Variants in EMP2 observed in about 807,000 individuals in gnomAD.
EMP2 encodes the protein epithelial membrane protein 2.
A neutral mutation model predicts 13.7 loss-of-function variants in EMP2; 19 were observed. That is an observed-to-expected ratio of 1.38 (90% CI 0.97 to 2.03). The LOEUF is 2.03. Among genes scored for constraint, EMP2 ranks in the 30% most tolerant of loss-of-function variants. The probability of loss-of-function intolerance (pLI) is 0.00; values close to 1 mark genes in which losing one functional copy is unlikely to be tolerated. For synonymous variants in EMP2, 97 were observed against 84.7 expected (o/e 1.15, Z -0.80); for missense variants, 253 against 220.7 (o/e 1.15, Z -0.93).
chr16:10,553,157 G>A (rs2050800664), intron 1 of EMP2, among the ~76,000 whole-genome samples: 1 of 152,166 alleles, frequency 6.6e-6, no homozygotes, highest in African/African-American at 2.4e-5. Flanking sequence ...ATGTTTAAGA[G>A]GGAATAAAAA....
intron 4 of EMP2, among the ~76,000 whole-genome samples, chr16:10,533,443 C>T (rs2050623782): frequency 6.6e-6 from 1 of 152,138 alleles, no homozygotes; most frequent in South Asian, 2.1e-4. Context: ...TTTTGCTTCC[C>T]ATTCTTGCTA....
chr16:10,567,631 G>A (rs949967391), intron 1 of EMP2, among the ~76,000 whole-genome samples: 1 of 152,184 alleles, frequency 6.6e-6, no homozygotes, highest in Admixed American at 6.5e-5. Flanking sequence ...GCTTTAGCAG[G>A]ATGGGACACT....
At chr16:10,562,564 G>T (rs1185874901) in intron 1 of EMP2, among the ~76,000 whole-genome samples, 3 of 152,100 alleles carry the variant, frequency 2.0e-5, no homozygotes, top group Non-Finnish European at 2.9e-5. Context: ...AATGAGCCCA[G>T]CTGAAATCAG....
At position 10,549,883 on chromosome 16, in the gene EMP2, C is replaced by CTTT. The variant is rs59259895; in HGVS notation, c.-60-2209_-60-2207dup. On this transcript the variant is annotated intron_variant, in intron 1 of 4. Coordinates refer to ENST00000359543, the MANE Select transcript of EMP2 (RefSeq NM_001424.6). Reference sequence around the variant, plus strand: ...TTTTCTTTTCTTTTTTTTTCTTTTTCTTTTTTTTTTTTTTTTTTTTGAGAC... The same window carrying CTTT: ...TTTTCTTTTCTTTTTTTTTCTTTTTCTTTTTTTTTTTTTTTTTTTTTTTGAGAC... Among the ~76,000 whole-genome samples the CTTT allele has an allele frequency of 4.6e-3, 518 of 112,262 alleles. 8 individuals carry two copies. The highest frequency in any genetic ancestry group is 0.018 in the African/African-American group (466 of 25,342). 73.6% of individuals were successfully genotyped at this position (112,262 alleles called of 152,430 possible).
At chr16:10,540,414 G>A (rs536246433) in intron 3 of EMP2, among the ~76,000 whole-genome samples, 98 of 152,206 alleles carry the variant, frequency 6.4e-4, no homozygotes, top group Non-Finnish European at 1.1e-3. Flanking sequence ...TTTGAGGCAG[G>A]AGGATGGCTT....
At chr16:10,578,843 C>T (rs1269670538) in intron 1 of EMP2, among the ~76,000 whole-genome samples, 10 of 152,258 alleles carry the variant, frequency 6.6e-5, no homozygotes, top group Admixed American at 6.5e-4. Flanking sequence ...CTGCCACCTC[C>T]ACGCCTCTCC....
In EMP2 at chr16:10,537,920, G is replaced by A. The variant is rs200539064; in HGVS notation, c.316+8C>T. On this transcript the variant is annotated splice_region_variant and intron_variant, in intron 4 of 4. Coordinates refer to ENST00000359543, the MANE Select transcript of EMP2 (RefSeq NM_001424.6). ...CCCCTTGTTAGGGAAGCCCGTTGAT[G>A]TACTTACATGACATTAGCTGGATGA... 2.5e-6 allele frequency: 4 copies of A among 1,613,034 alleles called. No homozygotes were observed. The highest frequency in any genetic ancestry group is 2.7e-5 in the African/African-American group (2 of 74,906).
rs1488646056 is a variant in EMP2 at position 10,529,661 on chromosome 16, T to C, written c.*3244A>G. The C allele has an allele frequency of 6.6e-6, 1 of 152,266 alleles. No individual in the cohort carries two copies. Among genetic ancestry groups the C allele is most frequent in the Non-Finnish European group, 1.5e-5 (1 of 68,076 alleles). 9.4% of individuals were successfully genotyped at this position (152,266 alleles called of 1,614,324 possible). ...GAAAATTATAGAAGGCCAGACGCAG[T>C]GGCTCATGCCTGTAATCCCAGCACT... On this transcript the variant is annotated 3_prime_UTR_variant, in exon 5 of 5. Transcript: ENST00000359543.
intron 1 of EMP2, among the ~76,000 whole-genome samples, chr16:10,567,448 G>T (rs1027675518): frequency 1.3e-5 from 2 of 152,196 alleles, no homozygotes; most frequent in African/African-American, 4.8e-5. Flanking sequence ...CTCATGATCT[G>T]CTTGCAAACT....
intron 1 of EMP2, among the ~76,000 whole-genome samples, chr16:10,577,523 T>C (rs919598474): frequency 2.6e-5 from 4 of 152,178 alleles, no homozygotes; most frequent in African/African-American, 4.8e-5. Context: ...TCACCACTCC[T>C]GGGGTGAGAA....
At chr16:10,565,652 A>G (rs1202834229) in intron 1 of EMP2, among the ~76,000 whole-genome samples, 1 of 152,160 alleles carries the variant, frequency 6.6e-6, no homozygotes, top group Non-Finnish European at 1.5e-5. Flanking sequence ...GGACTCACCA[A>G]CCTGAGAGCT....
rs1373182543 is a variant in EMP2 at position 10,580,293 on chromosome 16, T to C, written c.-61+256A>G. ...GGCGCCCTGACTCCTCCCCAAACTTTTCCCGCCTGCTTCGGCTCAAAAGGC... is the reference window on the plus strand; with the variant it reads ...GGCGCCCTGACTCCTCCCCAAACTTCTCCCGCCTGCTTCGGCTCAAAAGGC... On this transcript the variant is annotated intron_variant, in intron 1 of 4. Transcript: ENST00000359543. The surrounding 1 kb of genome is among the most constrained non-coding windows in gnomAD (Gnocchi z 4.3). 6.6e-6 allele frequency among the ~76,000 whole-genome samples: 1 copy of C among 152,026 alleles called. No homozygotes were observed. Among genetic ancestry groups the C allele is most frequent in the African/African-American group, 2.4e-5 (1 of 41,398 alleles).
chr16:10,546,334 G>A (rs2142181363), intron 2 of EMP2: 1 of 152,340 alleles, frequency 6.6e-6, no homozygotes, highest in South Asian at 2.1e-4. Flanking sequence ...TGGAAGCCAG[G>A]TCTTTGGAAC....
rs200596067 is a variant in EMP2 at position 10,543,565 on chromosome 16, C to G, written c.169+5G>C. ...TCTCAGTCAGCTTCCTTCATTCACA[C>G]TTACCTTGAAAGCTGTCATTGATGA... On this transcript the variant is annotated splice_donor_5th_base_variant and intron_variant, in intron 3 of 4. Coordinates refer to ENST00000359543, the MANE Select transcript of EMP2 (RefSeq NM_001424.6). 1.9e-6 allele frequency: 3 copies of G among 1,614,118 alleles called. No individual in the cohort carries two copies. The highest frequency in any genetic ancestry group is 1.7e-6 in the Non-Finnish European group (2 of 1,179,912).
chr16:10,549,538 C>A (rs2050766757), intron 1 of EMP2, among the ~76,000 whole-genome samples: 1 of 152,128 alleles, frequency 6.6e-6, no homozygotes, highest in African/African-American at 2.4e-5. Flanking sequence ...GATGCAGCCT[C>A]CTAATATCAA....
At chr16:10,564,653 C>T (rs764900223) in intron 1 of EMP2, among the ~76,000 whole-genome samples, 1 of 152,018 alleles carries the variant, frequency 6.6e-6, no homozygotes, top group African/African-American at 2.4e-5. Context: ...TACCCCCAGG[C>T]CTTTTTCTTC....
chr16:10,537,485 G>A (rs187326786), intron 4 of EMP2, among the ~76,000 whole-genome samples: 132 of 152,240 alleles, frequency 8.7e-4, no homozygotes, highest in Non-Finnish European at 1.3e-3. Context: ...TCCATGGGGC[G>A]TGGCCCTGCC....
chr16:10,553,342 G>T lies in EMP2; in HGVS notation c.-60-5665C>A, dbSNP rs577999768. ...ATTCTTCACTCCACGTTTCCGTGTG[G>T]CGGTAGCCGTACCAGAGTAACACTC... On this transcript the variant is annotated intron_variant, in intron 1 of 4. Coordinates refer to ENST00000359543, the MANE Select transcript of EMP2 (RefSeq NM_001424.6). Among the ~76,000 whole-genome samples, 44 of 152,284 alleles carry T rather than the reference G, an allele frequency of 2.9e-4. No homozygotes were observed. In the South Asian group the frequency reaches 6.6e-3, roughly 23 times the overall value.
At chr16:10,560,825 C>T (rs1381844388) in intron 1 of EMP2, among the ~76,000 whole-genome samples, 1 of 152,118 alleles carries the variant, frequency 6.6e-6, no homozygotes, top group African/African-American at 2.4e-5. Context: ...GAGTGGCACA[C>T]TTAGGAGAGC....
Sources: allele counts gnomAD v4.1 joint callset (sites outside exome capture counted in the v4.1 genomes callset), GRCh38; gene constraint gnomAD v4.1.1; non-coding constraint Gnocchi (gnomAD v3.1); transcripts MANE v1.5; gene names NCBI Gene and HGNC (gene_info 2026-07-23, HGNC 2026-07-21).